Variants in EFCAB5 observed in about 807,000 individuals in gnomAD.
EFCAB5 encodes EF-hand calcium binding domain 5.
Under a neutral mutation model 167.9 loss-of-function variants are expected in EFCAB5, and 131 were observed. That is an observed-to-expected ratio of 0.78 (90% CI 0.68 to 0.90). The LOEUF (loss-of-function observed/expected upper bound fraction) is 0.90. Among genes scored for constraint, EFCAB5 ranks in the 40% least tolerant of loss-of-function variants. EFCAB5 has a pLI of 0.00. For synonymous variants in EFCAB5, 574 were observed against 602.8 expected, an observed-to-expected ratio of 0.95 and a Z score of 0.70; for missense variants, 1,663 against 1,745.2, an observed-to-expected ratio of 0.95 and a Z score of 0.84.
At chr17:30,104,565 G>A (rs779840166) in intron 22 of EFCAB5, among the ~76,000 whole-genome samples, 2 of 150,746 alleles carry the variant, frequency 1.3e-5, no homozygotes, top group Admixed American at 6.6e-5. Context: ...AAAAAAAAGC[G>A]TTATTTCTAT....
intron 3 of EFCAB5, among the ~76,000 whole-genome samples, chr17:29,968,200 T>C (rs1041958927): frequency 1.3e-5 from 2 of 152,196 alleles, no homozygotes; most frequent in African/African-American, 4.8e-5. Flanking sequence ...GCCTGCCAAC[T>C]GAACCTCAGT....
chr17:29,945,057 T>A (rs2067371188), intron 3 of EFCAB5, among the ~76,000 whole-genome samples: 1 of 152,268 alleles, frequency 6.6e-6, no homozygotes, highest in South Asian at 2.1e-4. Flanking sequence ...GATTAAAAAG[T>A]CTTCAAAAAA....
intron 4 of EFCAB5, among the ~76,000 whole-genome samples, chr17:29,974,013 T>C (rs972140909): frequency 1.1e-4 from 17 of 151,278 alleles, no homozygotes; most frequent in Non-Finnish European, 2.1e-4. Flanking sequence ...AAAAATTAAC[T>C]GAGTGTGGTG....
At chr17:30,093,026 A>T (rs914653654) in intron 22 of EFCAB5, 90 bp downstream of exon 22, 9 of 976,068 alleles carry the variant, frequency 9.2e-6, no homozygotes, top group Non-Finnish European at 1.3e-5. Context: ...AGTGGGTCAT[A>T]AATTCAGTTT....
chr17:30,023,269 T>C (rs2069228561), intron 7 of EFCAB5, among the ~76,000 whole-genome samples: 1 of 151,882 alleles, frequency 6.6e-6, no homozygotes, highest in African/African-American at 2.4e-5. Context: ...ATCAACAAAA[T>C]TGATAGAGCA....
At chr17:29,973,374 G>C (rs1403250962) in intron 4 of EFCAB5, among the ~76,000 whole-genome samples, 3 of 152,050 alleles carry the variant, frequency 2.0e-5, no homozygotes, top group African/African-American at 7.2e-5. Flanking sequence ...AATTCGCTGT[G>C]CTGAGAAAAG....
chr17:30,096,671 ATATATATTTT>A (rs1373668126), intron 22 of EFCAB5, among the ~76,000 whole-genome samples: 1 of 60,976 alleles, frequency 1.6e-5, no homozygotes, highest in African/African-American at 7.7e-5. Context: ...ATATATATAT[ATATATATTTT>A]TTTTTTTTTT....
At chr17:29,949,167 T>C (rs780728241) in intron 3 of EFCAB5, among the ~76,000 whole-genome samples, 28 of 152,204 alleles carry the variant, frequency 1.8e-4, no homozygotes, top group Admixed American at 1.8e-3. Context: ...TTCATTCCTA[T>C]TTATGTCCTT....
intron 16 of EFCAB5, among the ~76,000 whole-genome samples, 179 bp downstream of exon 16, chr17:30,080,420 C>T (rs1026567934): frequency 5.3e-5 from 8 of 152,244 alleles, no homozygotes; most frequent in South Asian, 2.1e-4. Flanking sequence ...TTCTAGAGCT[C>T]GCTCTTTGGT....
At chr17:30,100,507 C>T (rs1271287210) in intron 22 of EFCAB5, among the ~76,000 whole-genome samples, 1 of 152,130 alleles carries the variant, frequency 6.6e-6, no homozygotes, top group African/African-American at 2.4e-5. Context: ...GTGGCTCACG[C>T]CTGTAATCCC....
chr17:30,054,049 GA>G lies in EFCAB5; in HGVS notation c.2099del (p.Lys700ArgfsTer14). 6.2e-7 allele frequency: 1 copy of G among 1,602,430 alleles called. No homozygotes were observed. The highest frequency in any genetic ancestry group is 1.1e-5 in the South Asian group (1 of 89,542). Reference sequence around the variant, plus strand: ...TGAGTACATTGAAGTCCCTCTACAGGAAAAGAGGTCTTGGGAACAAACATAT... The same window carrying G: ...TGAGTACATTGAAGTCCCTCTACAGGAAAGAGGTCTTGGGAACAAACATAT... ...TSEYIEVPLQ[E>X]KRSWEQTYEE... On this transcript the variant is annotated frameshift_variant, in exon 10 of 23. Coordinates refer to ENST00000394835, the MANE Select transcript of EFCAB5 (RefSeq NM_198529.4). LOFTEE classifies it high-confidence loss of function.
chr17:30,055,322 G>GAGGAAGGAAGGAAGGAAGGA (rs71138869), intron 10 of EFCAB5, among the ~76,000 whole-genome samples: 7 of 106,734 alleles, frequency 6.6e-5, no homozygotes, highest in African/African-American at 2.2e-4. Flanking sequence ...GAGAGAGAGA[G>GAGGAAGGAAGGAAGGAAGGA]AGGAAGGAAG....
intron 4 of EFCAB5, among the ~76,000 whole-genome samples, chr17:29,987,625 T>G (rs1035778821): frequency 2.0e-5 from 3 of 152,204 alleles, no homozygotes; most frequent in Non-Finnish European, 4.4e-5. Context: ...AATCCCTGTT[T>G]TCCCCCCTCT....
chr17:30,039,101 G>T (rs2069700763), intron 8 of EFCAB5, among the ~76,000 whole-genome samples: 1 of 152,146 alleles, frequency 6.6e-6, no homozygotes, highest in African/African-American at 2.4e-5. Context: ...CCGTCTTTTA[G>T]CACAGCTACC....
chr17:29,956,819 G>A (rs1402161402), intron 3 of EFCAB5, among the ~76,000 whole-genome samples: 1 of 152,082 alleles, frequency 6.6e-6, no homozygotes, highest in African/African-American at 2.4e-5. Flanking sequence ...ATTGAAAGAA[G>A]GAAAGCGGGG....
At chr17:29,953,624 T>C (rs763688200) in intron 3 of EFCAB5, among the ~76,000 whole-genome samples, 45 of 152,374 alleles carry the variant, frequency 3.0e-4, no homozygotes, top group Non-Finnish European at 4.9e-4. Flanking sequence ...TTAAACTTTT[T>C]TCTTTATAAA....
At chr17:30,027,566 G>A (rs1023946926) in intron 7 of EFCAB5, among the ~76,000 whole-genome samples, 2 of 151,978 alleles carry the variant, frequency 1.3e-5, no homozygotes, top group African/African-American at 4.8e-5. Context: ...TACAGCATAC[G>A]TCCAAACAGA....
chr17:30,030,277 T>C (rs1179820737), intron 7 of EFCAB5, among the ~76,000 whole-genome samples: 1 of 152,214 alleles, frequency 6.6e-6, no homozygotes, highest in Admixed American at 6.5e-5. Context: ...AGAATATTTT[T>C]TTTTTCCATC....
intron 1 of EFCAB5, 51 bp downstream of exon 1, chr17:29,941,889 A>G (rs777535384): frequency 3.9e-6 from 6 of 1,530,082 alleles, no homozygotes; most frequent in Non-Finnish European, 5.3e-6. Flanking sequence ...TTGAGATTCA[A>G]CATTCTTGGG....
Sources: allele counts gnomAD v4.1 joint callset (sites outside exome capture counted in the v4.1 genomes callset), GRCh38; gene constraint gnomAD v4.1.1; transcripts MANE v1.5; gene names NCBI Gene and HGNC (gene_info 2026-07-23, HGNC 2026-07-21).